The following CTXND1 variants were observed in gnomAD, a reference collection of about 807,000 sequenced individuals.
CTXND1 encodes the protein cortexin domain containing 1.
At chr15:80,228,916 C>T (rs971745204) in intron 1 of CTXND1, among the ~76,000 whole-genome samples, 11 of 129,828 alleles carry the variant, frequency 8.5e-5, no homozygotes, top group Non-Finnish European at 1.6e-4. Flanking sequence ...GCGTGAGCCA[C>T]GGTGCCGGGT....
At chr15:80,208,449 C>T (rs916093765) in intron 1 of CTXND1, among the ~76,000 whole-genome samples, 2 of 152,184 alleles carry the variant, frequency 1.3e-5, no homozygotes, top group African/African-American at 4.8e-5. Context: ...AGATCAAGAC[C>T]TGATCCTGCT....
chr15:80,219,019 C>T (rs968622416), intron 1 of CTXND1, among the ~76,000 whole-genome samples: 3 of 47,230 alleles, frequency 6.4e-5, no homozygotes, highest in African/African-American at 2.6e-4. Flanking sequence ...TCAGCCTCTG[C>T]CTCCCAGGCT....
In CTXND1 at chr15:80,196,258, A is replaced by G. The variant is rs1265007596; in HGVS notation, c.*5512T>C. 1 of 151,946 alleles carries G rather than the reference A, an allele frequency of 6.6e-6. No individual in the cohort carries two copies. The highest frequency in any genetic ancestry group is 1.5e-5 in the Non-Finnish European group (1 of 67,992). The allele number at this position is 151,946 out of a possible 1,614,324, so 9.4% of individuals were successfully genotyped here. On this transcript the variant is annotated 3_prime_UTR_variant, in exon 3 of 3. Transcript: ENST00000560778. The stretch of plus-strand genomic sequence containing the variant: ...GCTATTCTTTCTGATAATTTTACAG[A>G]GCTTCCAGGTGAGATCTTCAAGGCC...
At chr15:80,235,039 T>G (rs1459842226) in intron 1 of CTXND1, among the ~76,000 whole-genome samples, 2 of 152,154 alleles carry the variant, frequency 1.3e-5, no homozygotes, top group Non-Finnish European at 2.9e-5. Flanking sequence ...GCAGGCTGCA[T>G]GACTTCTCTG....
chr15:80,239,583 T>C (rs1335138945), intron 1 of CTXND1, among the ~76,000 whole-genome samples: 1 of 152,248 alleles, frequency 6.6e-6, no homozygotes, highest in Non-Finnish European at 1.5e-5. Context: ...TTCTTCAGTT[T>C]TGGGACTCGG....
At chr15:80,244,316 T>C (rs555203241) in intron 1 of CTXND1, among the ~76,000 whole-genome samples, 11 of 152,340 alleles carry the variant, frequency 7.2e-5, no homozygotes, top group African/African-American at 2.4e-4. Flanking sequence ...GTGAGGGATA[T>C]GCTGTCAAAG....
chr15:80,202,559 C>G (rs1893091999), intron 2 of CTXND1, among the ~76,000 whole-genome samples: 1 of 152,238 alleles, frequency 6.6e-6, no homozygotes, highest in Non-Finnish European at 1.5e-5. Flanking sequence ...AAGCAATCCT[C>G]TTGCCTTGGC....
intron 1 of CTXND1, among the ~76,000 whole-genome samples, chr15:80,246,327 G>A (rs1008913977): frequency 1.3e-5 from 2 of 152,334 alleles, no homozygotes; most frequent in African/African-American, 4.8e-5. Flanking sequence ...TGAAATTGGA[G>A]TAATTATGGA....
chr15:80,226,305 A>T (rs966499063), intron 1 of CTXND1, among the ~76,000 whole-genome samples: 1 of 152,222 alleles, frequency 6.6e-6, no homozygotes, highest in Admixed American at 6.5e-5. Flanking sequence ...TCTGCTGCTG[A>T]GGTCTCAGGA....
chr15:80,240,509 TC>T (rs908251038), intron 1 of CTXND1, among the ~76,000 whole-genome samples: 4 of 146,530 alleles, frequency 2.7e-5, no homozygotes, highest in African/African-American at 5.4e-5. Context: ...CTGCCAACAC[TC>T]CCCCCCCACC....
chr15:80,237,041 TA>T (rs940886052), intron 1 of CTXND1, among the ~76,000 whole-genome samples: 3 of 151,840 alleles, frequency 2.0e-5, no homozygotes, highest in African/African-American at 7.2e-5. Flanking sequence ...TTCTGTTTAT[TA>T]AAAAAACAGT....
At chr15:80,208,581 C>CT (rs997408376) in intron 1 of CTXND1, among the ~76,000 whole-genome samples, 3 of 152,044 alleles carry the variant, frequency 2.0e-5, no homozygotes, top group Non-Finnish European at 2.9e-5. Flanking sequence ...TTTGCATTGT[C>CT]TTTTTTTAAA....
chr15:80,230,210 C>CAT (rs1893413170), intron 1 of CTXND1, among the ~76,000 whole-genome samples: 1 of 152,194 alleles, frequency 6.6e-6, no homozygotes, highest in Non-Finnish European at 1.5e-5. Flanking sequence ...GCAGTGTAAT[C>CAT]ATACAGTGCA....
chr15:80,248,777 C>A (rs1567136776), intron 1 of CTXND1, among the ~76,000 whole-genome samples: 1 of 152,288 alleles, frequency 6.6e-6, no homozygotes, highest in South Asian at 2.1e-4. Context: ...TAATATCAGC[C>A]TCTAAATAAC....
chr15:80,233,695 C>T (rs747147253), intron 1 of CTXND1, among the ~76,000 whole-genome samples: 1 of 152,196 alleles, frequency 6.6e-6, no homozygotes, highest in Non-Finnish European at 1.5e-5. Context: ...AAGCCCACTT[C>T]CCCCACAGCG....
chr15:80,206,810 C>T (rs1893151177), intron 1 of CTXND1, among the ~76,000 whole-genome samples: 3 of 152,108 alleles, frequency 2.0e-5, no homozygotes, highest in Admixed American at 2.0e-4. Context: ...GGGGATGTAA[C>T]ATTTATATGT....
intron 1 of CTXND1, among the ~76,000 whole-genome samples, chr15:80,233,432 C>T (rs537689163): frequency 5.3e-5 from 8 of 152,222 alleles, no homozygotes; most frequent in Non-Finnish European, 1.0e-4. Context: ...CTTACAGTTT[C>T]CCTCTCTAGG....
chr15:80,213,328 A>G (rs1283632227), intron 1 of CTXND1, among the ~76,000 whole-genome samples: 1 of 152,256 alleles, frequency 6.6e-6, no homozygotes, highest in Non-Finnish European at 1.5e-5. Flanking sequence ...GGCCAATGGT[A>G]GGTTGAATAA....
rs2041419305 is a variant in CTXND1 at position 80,196,181 on chromosome 15, A to T, written c.*5589T>A. On this transcript the variant is annotated 3_prime_UTR_variant, in exon 3 of 3. Coordinates refer to ENST00000560778, the MANE Select transcript of CTXND1 (RefSeq NM_001352888.2). Reference sequence around the variant, plus strand: ...TTCTAACAAGCTCCCCAGAGATGCCAATGCTGTCCATCCGTGGACCATAGT... The same window carrying T: ...TTCTAACAAGCTCCCCAGAGATGCCTATGCTGTCCATCCGTGGACCATAGT... 6.6e-6 allele frequency: 1 copy of T among 152,232 alleles called. No homozygotes were observed. The highest frequency in any genetic ancestry group is 1.5e-5 in the Non-Finnish European group (1 of 68,050). The allele number at this position is 152,232 out of a possible 1,614,324, so 9.4% of individuals were successfully genotyped here. A position where few individuals can be genotyped will look rare whatever the true frequency, so the allele number is the denominator to read the frequency against.
Sources: gnomAD v4.1 joint callset for allele counts (sites outside exome capture counted in the v4.1 genomes callset) on GRCh38, gnomAD v4.1.1 for gene constraint, MANE v1.5 for transcripts, NCBI Gene and HGNC (gene_info 2026-07-23, HGNC 2026-07-21) for gene names.